The following SLC35D2 variants were observed in gnomAD, a reference collection of about 807,000 sequenced individuals.
SLC35D2 encodes the protein nucleotide sugar transporter SLC35D2.
In SLC35D2, 43 loss-of-function variants were observed where a neutral mutation model predicts 41.8. That is an observed-to-expected ratio of 1.03 (90% CI 0.81 to 1.33). The LOEUF is 1.33. Ranked by LOEUF, SLC35D2 falls within the 40% of genes most tolerant of loss-of-function variation. SLC35D2 has a pLI of 0.00. For synonymous variants in SLC35D2, 150 were observed against 163.9 expected, an observed-to-expected ratio of 0.92 and a Z score of 0.65; for missense variants, 380 against 408.4, an observed-to-expected ratio of 0.93 and a Z score of 0.60.
intron 1 of SLC35D2, among the ~76,000 whole-genome samples, chr9:96,369,185 T>A (rs1830588495): frequency 6.6e-6 from 1 of 152,102 alleles, no homozygotes; most frequent in Non-Finnish European, 1.5e-5. Flanking sequence ...TACATAGTGA[T>A]TCATTATACT....
At chr9:96,322,404 C>A (rs1242566890) in intron 10 of SLC35D2, among the ~76,000 whole-genome samples, 1 of 151,942 alleles carries the variant, frequency 6.6e-6, no homozygotes, top group East Asian at 1.9e-4. Context: ...GCCTGTAATC[C>A]CAGCTACTCC....
chr9:96,315,166 C>G (rs1828020192), intron 11 of SLC35D2, among the ~76,000 whole-genome samples: 1 of 152,158 alleles, frequency 6.6e-6, no homozygotes, highest in Non-Finnish European at 1.5e-5. Flanking sequence ...GTCACCCAGG[C>G]TGAAGTGCAG....
chr9:96,381,506 C>T (rs2131051808), intron 1 of SLC35D2, among the ~76,000 whole-genome samples: 1 of 152,300 alleles, frequency 6.6e-6, no homozygotes, highest in African/African-American at 2.4e-5. Flanking sequence ...GTCTTGGCTC[C>T]AATGCCACCT....
intron 1 of SLC35D2, among the ~76,000 whole-genome samples, chr9:96,379,646 C>T (rs1352472797): frequency 6.6e-6 from 1 of 152,232 alleles, no homozygotes; most frequent in African/African-American, 2.4e-5. Context: ...TGCTTGGATC[C>T]GATTTCTATG....
chr9:96,322,800 C>A (rs1310832565), intron 10 of SLC35D2, among the ~76,000 whole-genome samples: 1 of 147,598 alleles, frequency 6.8e-6, no homozygotes, highest in African/African-American at 2.5e-5. Flanking sequence ...CTCACTGCAA[C>A]CTTTGCCTCC....
intron 4 of SLC35D2, among the ~76,000 whole-genome samples, chr9:96,358,320 ATTTGGGTAATCTTGG>A (rs1345615999): frequency 2.0e-5 from 3 of 151,866 alleles, no homozygotes; most frequent in Non-Finnish European, 4.4e-5. Flanking sequence ...GGAAGATAGC[ATTTGGGTAATCTTGG>A]TTTGATGATG....
chr9:96,329,352 T>G (rs2130855976), intron 9 of SLC35D2, among the ~76,000 whole-genome samples: 1 of 152,048 alleles, frequency 6.6e-6, no homozygotes, highest in East Asian at 1.9e-4. Flanking sequence ...TGCCTCACCC[T>G]CCTGAGTAGC....
chr9:96,357,806 G>A (rs531272995), intron 4 of SLC35D2, among the ~76,000 whole-genome samples: 155 of 152,014 alleles, frequency 1.0e-3, no homozygotes, highest in African/African-American at 3.6e-3. Context: ...TGGGAGGCTG[G>A]AGCAGGCAGA....
At chr9:96,369,762 C>T (rs10820447) in intron 1 of SLC35D2, among the ~76,000 whole-genome samples, 36,269 of 151,960 alleles carry the variant, frequency 0.24, 6,119 homozygotes, top group African/African-American at 0.49. Flanking sequence ...AAGGCAGGAC[C>T]GCACCTGCAC....
chr9:96,365,040 CAAAA>C (rs59249417), intron 2 of SLC35D2, among the ~76,000 whole-genome samples: 3 of 49,422 alleles, frequency 6.1e-5, no homozygotes, highest in African/African-American at 2.3e-4. Flanking sequence ...ACCACTGTCT[CAAAA>C]AAAAAAAAAA....
exon 12 of SLC35D2, chr9:96,313,882 G>C (rs151134960): frequency 6.6e-6 from 1 of 152,520 alleles, no homozygotes; most frequent in African/African-American, 2.4e-5. Flanking sequence ...CCCAGTATTT[G>C]TGGCCTGCTG....
intron 4 of SLC35D2, among the ~76,000 whole-genome samples, chr9:96,355,208 G>A (rs767063360): frequency 2.2e-4 from 34 of 151,916 alleles, no homozygotes; most frequent in Non-Finnish European, 4.7e-4. Context: ...AGTATAGATG[G>A]GGTTTCACCA....
intron 4 of SLC35D2, among the ~76,000 whole-genome samples, chr9:96,356,907 C>T (rs141725970): frequency 0.026 from 3,987 of 151,628 alleles, 77 homozygotes; most frequent in Middle Eastern, 0.055. Context: ...ATAGGCTGGG[C>T]GTGGTGGCTC....
intron 9 of SLC35D2, among the ~76,000 whole-genome samples, chr9:96,332,893 C>A (rs555102759): frequency 1.3e-5 from 2 of 150,638 alleles, no homozygotes; most frequent in South Asian, 2.1e-4. Context: ...AATAACTACA[C>A]CTTTGCGAAT....
chr9:96,340,304 G>A (rs1330234980), intron 8 of SLC35D2, among the ~76,000 whole-genome samples: 1 of 151,794 alleles, frequency 6.6e-6, no homozygotes, highest in African/African-American at 2.4e-5. Context: ...TTGGCATCTC[G>A]TCATACAATA....
At chr9:96,381,189 A>G (rs561958157) in intron 1 of SLC35D2, among the ~76,000 whole-genome samples, 3 of 152,348 alleles carry the variant, frequency 2.0e-5, no homozygotes, top group African/African-American at 7.2e-5. Flanking sequence ...AATTGCATTT[A>G]GCATGAAACT....
At chr9:96,324,202 C>T in intron 9 of SLC35D2, 33 bp from the exon 10 acceptor site, 1 of 1,573,722 alleles carries the variant, frequency 6.4e-7, no homozygotes, top group Non-Finnish European at 8.7e-7. Context: ...GGAGTGTGTG[C>T]CTCACTACGC....
chr9:96,324,003 A>G (rs181735925), intron 10 of SLC35D2, 88 bp downstream of exon 10: 1 of 1,175,364 alleles, frequency 8.5e-7, no homozygotes. Context: ...ACCACCACCA[A>G]CAACAAAATC....
intron 9 of SLC35D2, 137 bp from the exon 10 acceptor site, chr9:96,324,306 C>G: frequency 3.3e-6 from 2 of 606,072 alleles, no homozygotes; most frequent in South Asian, 5.0e-5. Flanking sequence ...GGTTTTGTAA[C>G]CCACATCTTA....
Sources: gnomAD v4.1 joint callset for allele counts (sites outside exome capture counted in the v4.1 genomes callset) on GRCh38, gnomAD v4.1.1 for gene constraint, MANE v1.5 for transcripts, NCBI Gene and HGNC (gene_info 2026-07-23, HGNC 2026-07-21) for gene names.